GK5: variants seen among roughly 807,000 people sequenced by gnomAD.
GK5 encodes ATP:glycerol 3-phosphotransferase 5.
A neutral mutation model predicts 77.3 loss-of-function variants in GK5; 39 were observed. The observed-to-expected ratio is 0.50, with a 90% CI of 0.39 to 0.66. GK5 has a LOEUF of 0.66. GK5 is among the 30% of genes least tolerant of loss of function. The pLI is 0.00. For synonymous variants in GK5, 211 were observed against 208.0 expected, an observed-to-expected ratio of 1.01 and a Z score of -0.13; for missense variants, 487 against 633.8, an observed-to-expected ratio of 0.77 and a Z score of 2.49.
At chr3:142,166,646 G>GC (rs11383874) in intron 15 of GK5, among the ~76,000 whole-genome samples, 14,303 of 151,984 alleles carry the variant, frequency 0.094, 783 homozygotes, top group African/African-American at 0.15. Flanking sequence ...CAATTATCCT[G>GC]CCTGGGCCTC....
In GK5 at chr3:142,217,731, A is replaced by G. The variant is rs2064291654; in HGVS notation, c.148-2039T>C. 2.6e-5 allele frequency among the ~76,000 whole-genome samples: 4 copies of G among 152,316 alleles called. No homozygotes were observed. The South Asian group carries it at 8.3e-4, about 32-fold the overall frequency. On this transcript the variant is annotated intron_variant, in intron 1 of 15. Transcript: ENST00000392993. Reference sequence around the variant, plus strand: ...CCAGATATCATAATTAAAATGCTGAAAACTAAAAGCAAAAAGTTTGAAACC... The same window carrying G: ...CCAGATATCATAATTAAAATGCTGAGAACTAAAAGCAAAAAGTTTGAAACC...
chr3:142,177,108 A>G (rs1334892371), intron 12 of GK5, among the ~76,000 whole-genome samples: 5 of 152,226 alleles, frequency 3.3e-5, no homozygotes, highest in Non-Finnish European at 7.3e-5. Flanking sequence ...TCCTCTAAGT[A>G]AAGAATGCAA....
At chr3:142,198,430 T>G (rs555826397) in intron 5 of GK5, among the ~76,000 whole-genome samples, 2 of 151,978 alleles carry the variant, frequency 1.3e-5, no homozygotes, top group Admixed American at 1.3e-4. Flanking sequence ...CTGGCCAACA[T>G]GGTGAAACCT....
chr3:142,212,604 G>C (rs962251235), intron 3 of GK5, among the ~76,000 whole-genome samples: 4 of 152,016 alleles, frequency 2.6e-5, no homozygotes, highest in Admixed American at 1.3e-4. Context: ...AAGAACATAC[G>C]CTTCTGAGTC....
chr3:142,178,123 G>C (rs1464600099), intron 11 of GK5, among the ~76,000 whole-genome samples: 1 of 152,082 alleles, frequency 6.6e-6, no homozygotes, highest in African/African-American at 2.4e-5. Flanking sequence ...CTCCCAAAGT[G>C]CTGGGAATAC....
At chr3:142,175,923 G>A (rs2063603747) in intron 12 of GK5, among the ~76,000 whole-genome samples, 1 of 150,758 alleles carries the variant, frequency 6.6e-6, no homozygotes, top group Non-Finnish European at 1.5e-5. Context: ...GCTAAGACAA[G>A]GTGACTACTA....
chr3:142,168,685 T>A (rs2063500778), intron 15 of GK5, among the ~76,000 whole-genome samples: 1 of 152,092 alleles, frequency 6.6e-6, no homozygotes, highest in Non-Finnish European at 1.5e-5. Context: ...TCACTAATTG[T>A]CAAAGCGATC....
In GK5 at chr3:142,165,605, G is replaced by A; in HGVS notation, c.*17C>T. ...ACATAAACCAGCTACCTATGGTTTTGATCATTTCATTTAGTGTTATGTCTT... is the reference window on the plus strand; with the variant it reads ...ACATAAACCAGCTACCTATGGTTTTAATCATTTCATTTAGTGTTATGTCTT... On this transcript the variant is annotated 3_prime_UTR_variant, in exon 16 of 16. Transcript: ENST00000392993. 1.9e-6 allele frequency: 3 copies of A among 1,588,516 alleles called. No individual in the cohort carries two copies. Among genetic ancestry groups the A allele is most frequent in the South Asian group, 1.2e-5 (1 of 86,470 alleles).
At chr3:142,204,631 A>C in intron 4 of GK5, 64 bp downstream of exon 4, 1 of 895,724 alleles carries the variant, frequency 1.1e-6, no homozygotes, top group Non-Finnish European at 1.9e-6. Context: ...GAAATAATAC[A>C]ATTAAGGGAC....
chr3:142,171,222 C>G (rs549118254), intron 14 of GK5, among the ~76,000 whole-genome samples, 197 bp downstream of exon 14: 78 of 151,392 alleles, frequency 5.2e-4, no homozygotes, highest in Middle Eastern at 3.4e-3. Flanking sequence ...CACAGCAAGA[C>G]TCTGTCTCGA....
intron 9 of GK5, 110 bp downstream of exon 9, chr3:142,185,819 A>C: frequency 6.4e-7 from 1 of 1,551,270 alleles, no homozygotes; most frequent in Non-Finnish European, 8.7e-7. Context: ...AAATACTTTA[A>C]TCTTACTCTG....
At chr3:142,189,096 A>G (rs1235936365) in intron 5 of GK5, among the ~76,000 whole-genome samples, 1 of 152,128 alleles carries the variant, frequency 6.6e-6, no homozygotes, top group Non-Finnish European at 1.5e-5. Flanking sequence ...CCATTTAGCC[A>G]TTATCTCACA....
At position 142,171,522 on chromosome 3, in the gene GK5, T is replaced by C. The variant is rs767000087; in HGVS notation, c.1248-44A>G. 7.3e-6 allele frequency: 9 copies of C among 1,230,652 alleles called. 1 individual carries two copies. In the South Asian group the frequency reaches 7.5e-5, roughly 10 times the overall value. 76.2% of individuals were successfully genotyped at this position (1,230,652 alleles called of 1,614,324 possible). ...AACTATTTATAAGAAATTCATATCA[T>C]AATAATTCACTACTTTATTCTGATC... On this transcript the variant is annotated intron_variant, in intron 13 of 15. Transcript: ENST00000392993.
intron 5 of GK5, among the ~76,000 whole-genome samples, chr3:142,194,932 T>C (rs1486420164): frequency 6.6e-6 from 1 of 151,290 alleles, no homozygotes; most frequent in Non-Finnish European, 1.5e-5. Flanking sequence ...GTGGTGAGAG[T>C]GGAAATCTTT....
At chr3:142,211,873 C>T (rs2064192270) in intron 3 of GK5, among the ~76,000 whole-genome samples, 1 of 152,168 alleles carries the variant, frequency 6.6e-6, no homozygotes, top group African/African-American at 2.4e-5. Flanking sequence ...GTTCTAGTCA[C>T]CTCTGAGATA....
intron 1 of GK5, among the ~76,000 whole-genome samples, chr3:142,219,907 T>C (rs1361507383): frequency 6.6e-6 from 1 of 152,122 alleles, no homozygotes; most frequent in Non-Finnish European, 1.5e-5. Context: ...AAGTAGAGGA[T>C]ACAGTGAACT....
Position 142,172,442 on chromosome 3 carries a change from G to T in GK5, c.1158C>A (p.Asp386Glu). 1 of 1,585,478 alleles carries T rather than the reference G, an allele frequency of 6.3e-7. No homozygotes were observed. The highest frequency in any genetic ancestry group is 8.6e-7 in the Non-Finnish European group (1 of 1,157,624). ...SFSGLQAPLN[D>E]PWACASFMGL... ...CCATAAAAGAGGCACATGCCCAGGG[G>T]TCATTTAATGGAGCCTACAGTAAGA... The change falls in exon 13 of 16, where the codon GAC (aspartate) becomes GAA (glutamate). Residue 386 changes from aspartate (D) to glutamate (E), a missense_variant. Asp to Glu is a conservative substitution (Grantham distance 45). Around this residue, in one of 4 missense-constraint regions of GK5, gnomAD observed 323 missense variants for 437.4 expected, o/e 0.74. Coordinates refer to ENST00000392993, the MANE Select transcript of GK5 (RefSeq NM_001039547.3).
chr3:142,207,388 C>A (rs1356461048), intron 3 of GK5, among the ~76,000 whole-genome samples: 2 of 152,126 alleles, frequency 1.3e-5, no homozygotes, highest in African/African-American at 4.8e-5. Context: ...TGTTTCTAAC[C>A]AGCTTTTGTT....
At chr3:142,191,437 G>C (rs1040075598) in intron 5 of GK5, among the ~76,000 whole-genome samples, 1 of 152,142 alleles carries the variant, frequency 6.6e-6, no homozygotes, top group African/African-American at 2.4e-5. Context: ...AGGTGCGATA[G>C]CTCACACCTG....
Sources: gnomAD v4.1 joint callset for allele counts (sites outside exome capture counted in the v4.1 genomes callset) on GRCh38, gnomAD v4.1.1 for gene constraint, gnomAD v4.1.1 regional missense constraint, MANE v1.5 for transcripts, NCBI Gene and HGNC (gene_info 2026-07-23, HGNC 2026-07-21) for gene names.